The following SPATA16 variants were observed in gnomAD, a reference collection of about 807,000 sequenced individuals.
SPATA16 encodes the protein spermatogenesis associated 16, also known as spermatogenesis-associated protein 16.
SPATA16 carries 36 observed loss-of-function variants against 63.3 expected under a neutral mutation model. The observed-to-expected ratio is 0.57, with a 90% CI of 0.44 to 0.75. The LOEUF is 0.75. Among genes scored for constraint, SPATA16 ranks in the 30% least tolerant of loss-of-function variants. SPATA16 has a pLI of 0.00. For synonymous variants in SPATA16, 203 were observed against 216.7 expected, an observed-to-expected ratio of 0.94 and a Z score of 0.56; for missense variants, 646 against 679.3, an observed-to-expected ratio of 0.95 and a Z score of 0.54.
intron 6 of SPATA16, among the ~76,000 whole-genome samples, chr3:172,952,409 A>G (rs548751678): frequency 6.6e-6 from 1 of 152,272 alleles, no homozygotes; most frequent in East Asian, 1.9e-4. Flanking sequence ...GAGGGTGACC[A>G]TCTACATGGA....
intron 4 of SPATA16, among the ~76,000 whole-genome samples, chr3:173,014,113 C>T (rs1371926339): frequency 6.6e-6 from 1 of 152,212 alleles, no homozygotes; most frequent in Non-Finnish European, 1.5e-5. Context: ...AACCATTCCA[C>T]CAAAAAGACA....
chr3:173,068,824 A>T (rs1436787669), intron 2 of SPATA16, among the ~76,000 whole-genome samples: 1 of 151,582 alleles, frequency 6.6e-6, no homozygotes, highest in Admixed American at 6.6e-5. Flanking sequence ...AGTAAAAAAA[A>T]AAAAGGCCGG....
At chr3:173,000,690 A>G (rs1356323445) in intron 4 of SPATA16, among the ~76,000 whole-genome samples, 1 of 148,132 alleles carries the variant, frequency 6.8e-6, no homozygotes, top group Non-Finnish European at 1.5e-5. Context: ...TTTTTGTCCC[A>G]CAGTTCTTGG....
At chr3:172,996,684 T>C (rs1312718570) in intron 4 of SPATA16, among the ~76,000 whole-genome samples, 8 of 152,104 alleles carry the variant, frequency 5.3e-5, no homozygotes, top group Non-Finnish European at 1.2e-4. Flanking sequence ...ACATTATAGT[T>C]CACTCTTGGT....
At chr3:173,101,908 C>T (rs1264613256) in intron 2 of SPATA16, among the ~76,000 whole-genome samples, 2 of 152,118 alleles carry the variant, frequency 1.3e-5, no homozygotes, top group Non-Finnish European at 2.9e-5. Context: ...TCCTACCCAG[C>T]CCAGACCCAC....
chr3:173,043,462 T>G (rs1488088802), intron 3 of SPATA16, among the ~76,000 whole-genome samples: 2 of 152,090 alleles, frequency 1.3e-5, no homozygotes, highest in East Asian at 3.9e-4. Flanking sequence ...TAGTCAAATA[T>G]TTTACATTGG....
chr3:172,935,111 G>T (rs547371235), intron 6 of SPATA16, among the ~76,000 whole-genome samples: 1 of 152,182 alleles, frequency 6.6e-6, no homozygotes, highest in Admixed American at 6.5e-5. Flanking sequence ...AAATCAGTTA[G>T]TATAGACAAG....
intron 3 of SPATA16, among the ~76,000 whole-genome samples, chr3:173,044,725 G>T (rs761870276): frequency 4.6e-5 from 7 of 152,086 alleles, no homozygotes; most frequent in Non-Finnish European, 1.0e-4. Flanking sequence ...GGGGAATCTG[G>T]ATTATGACAT....
At chr3:173,078,720 T>C (rs533797390) in intron 2 of SPATA16, among the ~76,000 whole-genome samples, 4 of 152,288 alleles carry the variant, frequency 2.6e-5, no homozygotes, top group African/African-American at 7.2e-5. Context: ...AGAAGTGATA[T>C]CAGAACAAGC....
intron 3 of SPATA16, among the ~76,000 whole-genome samples, chr3:173,022,342 A>G (rs1735353252): frequency 6.6e-6 from 1 of 152,160 alleles, no homozygotes; most frequent in Non-Finnish European, 1.5e-5. Context: ...GCTTCATAAG[A>G]GGGACCGAAG....
intron 2 of SPATA16, among the ~76,000 whole-genome samples, chr3:173,100,662 AC>A: frequency 3.4e-5 from 1 of 29,200 alleles, no homozygotes; most frequent in Non-Finnish European, 5.8e-5. Flanking sequence ...CATAAACAGC[AC>A]ACACACACAC....
chr3:172,967,812 C>T (rs1197168321), intron 5 of SPATA16, among the ~76,000 whole-genome samples: 1 of 152,184 alleles, frequency 6.6e-6, no homozygotes, highest in African/African-American at 2.4e-5. Flanking sequence ...GTCACTGTTT[C>T]CCATCATCCC....
intron 4 of SPATA16, among the ~76,000 whole-genome samples, chr3:173,009,578 G>C (rs1425883032): frequency 6.6e-6 from 1 of 152,210 alleles, no homozygotes; most frequent in Non-Finnish European, 1.5e-5. Context: ...CCCACCAACA[G>C]GGGAGGCTAG....
chr3:172,960,893 C>CTTTCTTT (rs1441747138), intron 5 of SPATA16, among the ~76,000 whole-genome samples: 17 of 147,884 alleles, frequency 1.1e-4, no homozygotes, highest in South Asian at 6.3e-4. Context: ...TTCTCTCTCT[C>CTTTCTTT]CTTCCTTCCT....
intron 1 of SPATA16, among the ~76,000 whole-genome samples, chr3:173,140,690 GTCA>G (rs1456086998): frequency 1.3e-5 from 2 of 152,282 alleles, no homozygotes; most frequent in East Asian, 1.9e-4. Context: ...TGAATTAGCA[GTCA>G]TCATCTCCCA....
chr3:172,958,654 A>G (rs945943945), intron 5 of SPATA16, among the ~76,000 whole-genome samples: 8 of 152,158 alleles, frequency 5.3e-5, no homozygotes, highest in Non-Finnish European at 1.0e-4. Flanking sequence ...ATTTTCTCAC[A>G]GTTCTGGAGA....
chr3:173,128,373 C>G (rs1738283423), intron 1 of SPATA16, among the ~76,000 whole-genome samples: 1 of 152,106 alleles, frequency 6.6e-6, no homozygotes, highest in South Asian at 2.1e-4. Context: ...TACTAAGCAA[C>G]AACTCTGTAA....
At chr3:173,022,738 T>G (rs1735361797) in intron 3 of SPATA16, among the ~76,000 whole-genome samples, 1 of 147,998 alleles carries the variant, frequency 6.8e-6, no homozygotes, top group African/African-American at 2.5e-5. Flanking sequence ...TCACTGCAGT[T>G]ACAGTGAAAA....
chr3:172,981,276 G>A (rs1734310733), intron 4 of SPATA16, among the ~76,000 whole-genome samples: 1 of 152,028 alleles, frequency 6.6e-6, no homozygotes, highest in Non-Finnish European at 1.5e-5. Context: ...TTCTCCATCG[G>A]TTTATTCTCA....
Sources: allele counts gnomAD v4.1 joint callset (sites outside exome capture counted in the v4.1 genomes callset), GRCh38; gene constraint gnomAD v4.1.1; transcripts MANE v1.5; gene names NCBI Gene and HGNC (gene_info 2026-07-23, HGNC 2026-07-21).